The following CCDC102B variants were observed in gnomAD, a reference collection of about 807,000 sequenced individuals.
CCDC102B encodes coiled-coil domain-containing protein 102B.
In CCDC102B, 75 loss-of-function variants were observed where a neutral mutation model predicts 57.4. That is an observed-to-expected ratio of 1.31 (90% CI 1.08 to 1.58). The LOEUF is 1.58. CCDC102B is among the 40% of genes most tolerant of loss of function. CCDC102B has a pLI of 0.00. For missense variants in CCDC102B, 636 were observed against 582.6 expected, an observed-to-expected ratio of 1.09 and a Z score of -0.94; for synonymous variants, 206 against 201.9, an observed-to-expected ratio of 1.02 and a Z score of -0.17.
chr18:68,851,233 T>A (rs1378564427), intron 4 of CCDC102B, among the ~76,000 whole-genome samples: 4 of 152,178 alleles, frequency 2.6e-5, no homozygotes, highest in Non-Finnish European at 5.9e-5. Flanking sequence ...TTCCTGGACT[T>A]GTCTTTTATT....
chr18:68,929,213 CA>C (rs2041582726), intron 6 of CCDC102B, among the ~76,000 whole-genome samples: 1 of 151,892 alleles, frequency 6.6e-6, no homozygotes, highest in African/African-American at 2.4e-5. Flanking sequence ...TGTAGCCTAA[CA>C]GAGGCCTTTT....
In CCDC102B at chr18:68,951,858, G is replaced by T. The variant is rs573876032; in HGVS notation, c.1263+54430G>T. Among the ~76,000 whole-genome samples the T allele has an allele frequency of 7.3e-5, 11 of 151,520 alleles. No homozygotes were observed. The South Asian group carries it at 2.1e-3, about 29-fold the overall frequency. ...GACAGGTTATTTTATTATTCATGTAGAGCAGCACTAGGTGCCTCCACAAAA... is the reference window on the plus strand; with the variant it reads ...GACAGGTTATTTTATTATTCATGTATAGCAGCACTAGGTGCCTCCACAAAA... On this transcript the variant is annotated intron_variant, in intron 6 of 7. Transcript: ENST00000360242.
chr18:68,741,979 T>A (rs2033413160), intron 2 of CCDC102B, among the ~76,000 whole-genome samples: 1 of 152,168 alleles, frequency 6.6e-6, no homozygotes, highest in Non-Finnish European at 1.5e-5. Flanking sequence ...ACGTGAGGGT[T>A]CAAACCTGTG....
At chr18:68,893,453 G>A (rs750693609) in intron 5 of CCDC102B, among the ~76,000 whole-genome samples, 11 of 152,056 alleles carry the variant, frequency 7.2e-5, no homozygotes, top group Non-Finnish European at 1.6e-4. Flanking sequence ...GTTATGTTAT[G>A]GTAAGTCTAG....
intron 6 of CCDC102B, among the ~76,000 whole-genome samples, chr18:68,904,100 A>G (rs117802778): frequency 0.056 from 6,484 of 116,184 alleles, 195 homozygotes; most frequent in Non-Finnish European, 0.075. Context: ...AGAATACACA[A>G]TTACAGTTTT....
At chr18:68,948,857 C>T (rs2049613392) in intron 6 of CCDC102B, among the ~76,000 whole-genome samples, 1 of 152,018 alleles carries the variant, frequency 6.6e-6, no homozygotes, top group Non-Finnish European at 1.5e-5. Flanking sequence ...AATTAACATG[C>T]TAGGTGATGA....
intron 2 of CCDC102B, 142 bp from the exon 3 acceptor site, chr18:68,838,564 C>T: frequency 7.0e-7 from 1 of 1,434,020 alleles, no homozygotes; most frequent in South Asian, 1.6e-5. Context: ...AGTGTGGCCA[C>T]ACAACACTTT....
intron 2 of CCDC102B, among the ~76,000 whole-genome samples, chr18:68,739,726 A>G (rs1599391614): frequency 6.6e-6 from 1 of 152,174 alleles, no homozygotes. Context: ...TTTTTTGCAG[A>G]TGACATGCCT....
At chr18:68,912,962 T>C (rs2145080531) in intron 6 of CCDC102B, among the ~76,000 whole-genome samples, 1 of 152,350 alleles carries the variant, frequency 6.6e-6, no homozygotes, top group South Asian at 2.1e-4. Context: ...CAGTGTATTT[T>C]CACTAAAATG....
At chr18:69,048,469 G>A (rs1249609260) in intron 7 of CCDC102B, among the ~76,000 whole-genome samples, 1 of 152,070 alleles carries the variant, frequency 6.6e-6, no homozygotes, top group African/African-American at 2.4e-5. Context: ...ATATGTGTGA[G>A]TTTGATACAA....
intron 6 of CCDC102B, among the ~76,000 whole-genome samples, chr18:68,932,539 T>C (rs2041711269): frequency 6.6e-6 from 1 of 151,912 alleles, no homozygotes; most frequent in Non-Finnish European, 1.5e-5. Flanking sequence ...TATTTTAGTA[T>C]GTTCCTTAGA....
In CCDC102B at chr18:68,762,684, A is replaced by G. The variant is rs76562885; in HGVS notation, c.-67+46090A>G. ...GTGTGTGGAGGTTGTGAAGATTACAATAAGAAACAACCTACCTGTGATACT... is the reference window on the plus strand; with the variant it reads ...GTGTGTGGAGGTTGTGAAGATTACAGTAAGAAACAACCTACCTGTGATACT... On this transcript the variant is annotated intron_variant, in intron 2 of 3. Transcript: ENST00000578970. Among the ~76,000 whole-genome samples the G allele has an allele frequency of 6.0e-4, 92 of 152,302 alleles. 1 individual carries two copies. Among genetic ancestry groups the G allele is most frequent in the African/African-American group, 2.2e-3 (90 of 41,568 alleles).
chr18:68,768,232 G>A (rs2034529801), intron 2 of CCDC102B, among the ~76,000 whole-genome samples: 1 of 152,164 alleles, frequency 6.6e-6, no homozygotes, highest in Non-Finnish European at 1.5e-5. Context: ...GGTCTCCTCT[G>A]AAGGCAGCAA....
At position 68,897,509 on chromosome 18, in the gene CCDC102B, G is replaced by A. The variant is rs200746196; in HGVS notation, c.1263+81G>A. The A allele has an allele frequency of 1.6e-4, 254 of 1,544,918 alleles. 1 individual carries two copies. The African/African-American group carries it at 2.7e-3, about 16-fold the overall frequency. ...GCAGAGTCTGTCTTCACTCGTACAC[G>A]CCTCCACATTTGGATATTTCCTTTT... is the stretch of plus-strand genomic sequence containing the variant. On this transcript the variant is annotated intron_variant, in intron 6 of 7. Transcript: ENST00000360242.
intron 6 of CCDC102B, among the ~76,000 whole-genome samples, chr18:68,937,799 T>TCC (rs2049281011): frequency 6.8e-6 from 1 of 147,136 alleles, no homozygotes; most frequent in Admixed American, 6.8e-5. Flanking sequence ...TGATATTCCC[T>TCC]CCCTGTGTCC....
At chr18:68,995,815 C>T (rs1318231484) in intron 6 of CCDC102B, among the ~76,000 whole-genome samples, 1 of 152,112 alleles carries the variant, frequency 6.6e-6, no homozygotes, top group Non-Finnish European at 1.5e-5. Flanking sequence ...ATCCTCCAGA[C>T]CCCAGAATGG....
At position 69,001,492 on chromosome 18, in the gene CCDC102B, GAA is replaced by G. The variant is rs35354723; in HGVS notation, c.1264-9430_1264-9429del. ...AAAATGGGTTTTATTGGACAAAAGG[GAA>G]AAAAAAAAAAAGAATCAGGGACTCT... is the stretch of plus-strand genomic sequence containing the variant. On this transcript the variant is annotated intron_variant, in intron 6 of 7. Coordinates refer to ENST00000360242, the MANE Select transcript of CCDC102B (RefSeq NM_024781.3). Among the ~76,000 whole-genome samples, 435 of 145,998 alleles carry G rather than the reference GAA, an allele frequency of 3.0e-3. 1 individual carries two copies. The highest frequency in any genetic ancestry group is 0.018 in the South Asian group (85 of 4,624).
Position 69,054,400 on chromosome 18 carries a change from T to G in CCDC102B, c.*263T>G. ...AATATTTTGAAAGTCAAAAAGGGCT[T>G]TCAGAATACTTTTTACATAAAATCT... is the stretch of plus-strand genomic sequence containing the variant. On this transcript the variant is annotated 3_prime_UTR_variant, in exon 8 of 8. Coordinates refer to ENST00000360242, the MANE Select transcript of CCDC102B (RefSeq NM_024781.3). 1 of 1,099,296 alleles carries G rather than the reference T, an allele frequency of 9.1e-7. No homozygotes were observed. The highest frequency in any genetic ancestry group is 1.1e-6 in the Non-Finnish European group (1 of 904,340). The allele number at this position is 1,099,296 out of a possible 1,614,324, so 68.1% of individuals were successfully genotyped here. A position where few individuals can be genotyped will look rare whatever the true frequency, so the allele number is the denominator to read the frequency against.
chr18:68,752,478 T>C (rs184848160), intron 2 of CCDC102B, among the ~76,000 whole-genome samples: 63 of 115,148 alleles, frequency 5.5e-4, no homozygotes, highest in African/African-American at 1.8e-3. Context: ...TGAAAATGTC[T>C]GAAAAAAAAA....
Sources: allele counts gnomAD v4.1 joint callset (sites outside exome capture counted in the v4.1 genomes callset), GRCh38; gene constraint gnomAD v4.1.1; transcripts MANE v1.5; gene names NCBI Gene and HGNC (gene_info 2026-07-23, HGNC 2026-07-21).